The following FAM90A1 variants were observed in gnomAD, a reference collection of about 807,000 sequenced individuals.
The protein encoded by FAM90A1 is family with sequence similarity 90 member A1, also known as protein FAM90A1.
A neutral mutation model predicts 14.8 loss-of-function variants in FAM90A1; 10 were observed. The ratio of observed to expected loss-of-function variants is 0.67; its 90% CI spans 0.42 to 1.14. FAM90A1 has a LOEUF of 1.14. Ranked by LOEUF, FAM90A1 falls within the 50% of genes most tolerant of loss-of-function variation. The pLI, the probability that FAM90A1 is intolerant of heterozygous loss-of-function variation, is 0.00. For missense variants in FAM90A1, 567 were observed against 602.8 expected (o/e 0.94, Z 0.62); for synonymous variants, 236 against 248.4 (o/e 0.95, Z 0.47).
In FAM90A1 at chr12:8,222,540, A is replaced by T; in HGVS notation, c.677T>A (p.Val226Glu). ...RHQGPEPLLV[V>E]KPTHSSPAGG... is the part of the protein sequence containing the mutation. ...CGCAGGGCTGCTGTGTGTCGGCTTC[A>T]CCACGAGGAGAGGCTCGGGGCCCTG... The change falls in exon 7 of 7, where the codon GTG (valine) becomes GAG (glutamate). Residue 226 changes from valine (V) to glutamate (E), a missense_variant. By Grantham distance (121) the Val-to-Glu change is moderately radical. Transcript: ENST00000538603. 4.3e-6 allele frequency: 7 copies of T among 1,612,010 alleles called. No individual in the cohort carries two copies. The highest frequency in any genetic ancestry group is 5.9e-6 in the Non-Finnish European group (7 of 1,179,846).
chr12:8,225,190 C>T (rs1385347161), intron 3 of FAM90A1, among the ~76,000 whole-genome samples: 61 of 152,328 alleles, frequency 4.0e-4, no homozygotes, highest in Non-Finnish European at 7.8e-4. Context: ...AGGTCTATCA[C>T]GATTCACTCC....
Position 8,222,145 on chromosome 12 carries a change from T to G in FAM90A1, c.1072A>C (p.Ser358Arg), listed in dbSNP as rs746608768. The change falls in exon 7 of 7, where the codon AGC (serine) becomes CGC (arginine). Residue 358 changes from serine to arginine, a missense_variant. Physicochemically the swap from Ser to Arg is moderately radical, Grantham distance 110. Transcript: ENST00000538603. Reference protein sequence around the residue: ...TGTRTPAQVLSGDRQPPHSRP... With the variant: ...TGTRTPAQVLRGDRQPPHSRP... ...CTGTGCGGAGGCTGCCGGTCGCCGC[T>G]AAGCACCTGGGCGGGTGTCCTCGTG... 4.7e-5 allele frequency: 76 copies of G among 1,611,944 alleles called. 2 individuals carry two copies. The South Asian group carries it at 8.1e-4, about 17-fold the overall frequency.
chr12:8,221,742 T>C lies in FAM90A1; in HGVS notation c.*80A>G, dbSNP rs1331867496. 2.7e-6 allele frequency: 4 copies of C among 1,462,794 alleles called. No homozygotes were observed. The highest frequency in any genetic ancestry group is 3.8e-6 in the Non-Finnish European group (4 of 1,062,410). 90.6% of individuals were successfully genotyped at this position (1,462,794 alleles called of 1,614,324 possible). A position where few individuals can be genotyped will look rare whatever the true frequency, so the allele number is the denominator to read the frequency against. On this transcript the variant is annotated 3_prime_UTR_variant, in exon 7 of 7. Transcript: ENST00000538603. ...CGGAGTCACCGCACAGAGTCTGCTCTCTGCTCTGTGCTCCTCAGTCCCACA... is the reference window on the plus strand; with the variant it reads ...CGGAGTCACCGCACAGAGTCTGCTCCCTGCTCTGTGCTCCTCAGTCCCACA...
In FAM90A1 at chr12:8,222,675, G is replaced by C. The variant is rs772876701; in HGVS notation, c.542C>G (p.Ala181Gly). The C allele has an allele frequency of 6.2e-7, 1 of 1,610,422 alleles. No homozygotes were observed. Among genetic ancestry groups the C allele is most frequent in the African/African-American group, 1.3e-5 (1 of 74,980 alleles). The change falls in exon 7 of 7, where the codon GCT becomes GGT. Residue 181 changes from alanine (A) to glycine (G), a missense_variant. Physicochemically the swap from Ala to Gly is moderately conservative, Grantham distance 60. Transcript: ENST00000538603. The part of the protein sequence containing the change: ...TEMSDRGSVL[A>G]SLSPLRKASL... Reference sequence around the variant, plus strand: ...GGCTTTTCTGAGGGGAGACAGTGAAGCTAAGACGGAGCCCCTGTCAGACAT... The same window carrying C: ...GGCTTTTCTGAGGGGAGACAGTGAACCTAAGACGGAGCCCCTGTCAGACAT...
At chr12:8,223,752 G>T (rs1489829877) in intron 5 of FAM90A1, among the ~76,000 whole-genome samples, 195 bp from the exon 6 acceptor site, 1 of 152,156 alleles carries the variant, frequency 6.6e-6, no homozygotes, top group Non-Finnish European at 1.5e-5. Flanking sequence ...CCCAACTAAG[G>T]ACTGTGATTT....
chr12:8,223,682 C>A, intron 5 of FAM90A1, 125 bp from the exon 6 acceptor site: 2 of 711,690 alleles, frequency 2.8e-6, no homozygotes, highest in Non-Finnish European at 5.1e-6. Flanking sequence ...GTGCCCTTTC[C>A]GCCTCTGCAC....
Position 8,224,142 on chromosome 12 carries a change from G to A in FAM90A1, c.197C>T (p.Ala66Val). 1 of 1,612,036 alleles carries A rather than the reference G, an allele frequency of 6.2e-7. No individual in the cohort carries two copies. The highest frequency in any genetic ancestry group is 8.5e-7 in the Non-Finnish European group (1 of 1,179,850). The change falls in exon 5 of 7, where the codon GCA (alanine) becomes GTA (valine). Residue 66 changes from alanine (A) to valine (V), a missense_variant. Coordinates refer to ENST00000538603, the MANE Select transcript of FAM90A1 (RefSeq NM_018088.3). ...CCCAAAGTTCGGTGGAACCAGGGCT[G>A]CCTTCCAGCACTTCATGGGGCACCT... The part of the protein sequence containing the change: ...STRCPMKCWK[A>V]ALVPPNFGEK...
chr12:8,224,959 C>G, intron 3 of FAM90A1, 71 bp from the exon 4 acceptor site: 1 of 1,210,966 alleles, frequency 8.3e-7, no homozygotes, highest in Non-Finnish European at 1.2e-6. Flanking sequence ...ACAGGAAGCC[C>G]CCCGCTAATT....
In FAM90A1 at chr12:8,223,507, G is replaced by T. The variant is rs757909784; in HGVS notation, c.374C>A (p.Pro125His). Reference protein sequence around the residue: ...KALLHIFSRKPPEKPLPNQKG... With the variant: ...KALLHIFSRKHPEKPLPNQKG... ...TTGATTTGGCAGCGGCTTCTCTGGA[G>T]GTTTCCTGGAAAATATGTGGAGGAG... Residue 125 changes from proline to histidine, a missense_variant, in exon 6 of 7, where the codon CCT becomes CAT. Physicochemically the swap from Pro to His is moderately conservative, Grantham distance 77. Transcript: ENST00000538603. 4.3e-6 allele frequency: 7 copies of T among 1,609,316 alleles called. No homozygotes were observed. In the Admixed American group the frequency reaches 1.2e-4, roughly 27 times the overall value.
chr12:8,225,644 C>T (rs377294734), intron 3 of FAM90A1, among the ~76,000 whole-genome samples, 192 bp downstream of exon 3: 47 of 152,094 alleles, frequency 3.1e-4, no homozygotes, highest in Admixed American at 9.8e-4. Context: ...CGCATTCCCA[C>T]CTTGGTCTTA....
chr12:8,222,019 C>G lies in FAM90A1; in HGVS notation c.1198G>C (p.Glu400Gln), dbSNP rs1467852296. The stretch of plus-strand genomic sequence containing the variant: ...AGGCTGGAGCTCCAGCGTCCGTTTT[C>G]CAGTCTCCGAAAGAGCACTCTGAGA... ...QPLRVLFRRL[E>Q]NGRWSSSLLT... is the part of the protein sequence containing the mutation. Residue 400 changes from glutamate (E) to glutamine (Q), a missense_variant, in exon 7 of 7, where the codon GAA (glutamate) becomes CAA (glutamine). By Grantham distance (29) the Glu-to-Gln change is conservative (BLOSUM62 2). Coordinates refer to ENST00000538603, the MANE Select transcript of FAM90A1 (RefSeq NM_018088.3). 6.2e-7 allele frequency: 1 copy of G among 1,600,774 alleles called. No individual in the cohort carries two copies. Among genetic ancestry groups the G allele is most frequent in the African/African-American group, 1.3e-5 (1 of 74,854 alleles).
Position 8,227,574 on chromosome 12 carries a change from C to A in FAM90A1, c.-515G>T, listed in dbSNP as rs1431650036. The A allele has an allele frequency of 7.2e-7, 1 of 1,382,132 alleles. No homozygotes were observed. The highest frequency in any genetic ancestry group is 1.3e-5 in the South Asian group (1 of 76,712). The allele number at this position is 1,382,132 out of a possible 1,614,324, so 85.6% of individuals were successfully genotyped here. A position where few individuals can be genotyped will look rare whatever the true frequency, so the allele number is the denominator to read the frequency against. ...ACACATCCCTGCAGGTCTCGGGGCTCCTGGGTTGCTTCTGGAAGGGCCCGG... is the reference window on the plus strand; with the variant it reads ...ACACATCCCTGCAGGTCTCGGGGCTACTGGGTTGCTTCTGGAAGGGCCCGG... On this transcript the variant is annotated 5_prime_UTR_variant, in exon 1 of 7. Transcript: ENST00000538603.
rs1361734039 is a variant in FAM90A1, at chr12:8,226,474, G to A, written c.-416C>T. On this transcript the variant is annotated 5_prime_UTR_variant, in exon 2 of 7. Transcript: ENST00000538603. Reference sequence around the variant, plus strand: ...CGCTTGGAAACCACCGTGAATTGGAGCGCACTGGGAAACACAGATGAAGAA... The same window carrying A: ...CGCTTGGAAACCACCGTGAATTGGAACGCACTGGGAAACACAGATGAAGAA... 4 of 153,814 alleles carry A rather than the reference G, an allele frequency of 2.6e-5. No homozygotes were observed. The highest frequency in any genetic ancestry group is 4.4e-5 in the Non-Finnish European group (3 of 68,072). The allele number at this position is 153,814 out of a possible 1,614,324, so 9.5% of individuals were successfully genotyped here.
chr12:8,223,291 C>G (rs1217770778), intron 6 of FAM90A1, among the ~76,000 whole-genome samples, 158 bp downstream of exon 6: 1 of 152,172 alleles, frequency 6.6e-6, no homozygotes, highest in Non-Finnish European at 1.5e-5. Flanking sequence ...ATGCCTTCGC[C>G]TGGAATCAAA....
At position 8,222,150 on chromosome 12, in the gene FAM90A1, A is replaced by G. The variant is rs149708234; in HGVS notation, c.1067T>C (p.Val356Ala). ...CGGAGGCTGCCGGTCGCCGCTAAGC[A>G]CCTGGGCGGGTGTCCTCGTGCCTGT... ...PQTGTRTPAQVLSGDRQPPHS... is the reference protein window; with the variant it reads ...PQTGTRTPAQALSGDRQPPHS... Residue 356 changes from valine (V) to alanine (A), a missense_variant, in exon 7 of 7, where the codon GTG (valine) becomes GCG (alanine). Physicochemically the swap from Val to Ala is moderately conservative, Grantham distance 64. Coordinates refer to ENST00000538603, the MANE Select transcript of FAM90A1 (RefSeq NM_018088.3). The G allele has an allele frequency of 4.8e-5, 78 of 1,611,738 alleles. No individual in the cohort carries two copies. In the African/African-American group the frequency reaches 9.5e-4, roughly 20 times the overall value.
Position 8,222,177 on chromosome 12 carries a change from T to G in FAM90A1, c.1040A>C (p.Gln347Pro). 1.3e-6 allele frequency: 2 copies of G among 1,563,376 alleles called. No individual in the cohort carries two copies. Among genetic ancestry groups the G allele is most frequent in the Non-Finnish European group, 1.7e-6 (2 of 1,145,706 alleles). Residue 347 changes from glutamine to proline, a missense_variant, in exon 7 of 7, where the codon CAG (glutamine) becomes CCG (proline). Transcript: ENST00000538603. The part of the protein sequence containing the change: ...ATELGPRTSP[Q>P]TGTRTPAQVL... ...CTGGGCGGGTGTCCTCGTGCCTGTC[T>G]GGGGTGACGTACGTGGTCCAAGTTC... is the stretch of plus-strand genomic sequence containing the variant.
At position 8,222,026 on chromosome 12, in the gene FAM90A1, C is replaced by T. The variant is rs1948834010; in HGVS notation, c.1191G>A (p.Arg397=). The T allele has an allele frequency of 6.2e-7, 1 of 1,601,650 alleles. No homozygotes were observed. The highest frequency in any genetic ancestry group is 8.5e-7 in the Non-Finnish European group (1 of 1,179,918). The part of the protein sequence containing the change: ...DGAQPLRVLF[R]RLENGRWSSS... ...AGCTCCAGCGTCCGTTTTCCAGTCTCCGAAAGAGCACTCTGAGAGGCTGGG... is the reference window on the plus strand; with the variant it reads ...AGCTCCAGCGTCCGTTTTCCAGTCTTCGAAAGAGCACTCTGAGAGGCTGGG... Residue 397 remains arginine (R), a synonymous_variant, in exon 7 of 7, where the codon CGG becomes CGA. Coordinates refer to ENST00000538603, the MANE Select transcript of FAM90A1 (RefSeq NM_018088.3).
At chr12:8,225,811 CAA>C (rs1258944904) in intron 3 of FAM90A1, 23 bp downstream of exon 3, 2 of 151,244 alleles carry the variant, frequency 1.3e-5, no homozygotes, top group African/African-American at 4.9e-5. Context: ...TTGCGTGAAA[CAA>C]ACAACTGTTC....
At chr12:8,225,714 A>G (rs1410070488) in intron 3 of FAM90A1, 122 bp downstream of exon 3, 1 of 152,246 alleles carries the variant, frequency 6.6e-6, no homozygotes, top group Non-Finnish European at 1.5e-5. Flanking sequence ...ACTAGTAACG[A>G]GAGCACACCC....
Sources: gnomAD v4.1 joint callset for allele counts (sites outside exome capture counted in the v4.1 genomes callset) on GRCh38, gnomAD v4.1.1 for gene constraint, MANE v1.5 for transcripts, NCBI Gene and HGNC (gene_info 2026-07-23, HGNC 2026-07-21) for gene names.